The following ADGRG6 variants were observed in gnomAD, a reference collection of about 807,000 sequenced individuals.
The protein encoded by ADGRG6 is G-protein coupled receptor 126.
Under a neutral mutation model 142.4 loss-of-function variants are expected in ADGRG6, and 84 were observed. The ratio of observed to expected loss-of-function variants is 0.59; its 90% CI spans 0.49 to 0.71. The LOEUF (loss-of-function observed/expected upper bound fraction) is 0.71, where lower values mean the gene tolerates loss of function less well. Ranked by LOEUF, ADGRG6 falls within the 30% of genes least tolerant of loss-of-function variation. ADGRG6 has a pLI of 0.00. For missense variants in ADGRG6, 1,367 were observed against 1,466.6 expected (o/e 0.93, Z 1.11); for synonymous variants, 521 against 520.5 (o/e 1.00, Z -0.01).
At chr6:142,380,253 G>T (rs1583063427) in intron 4 of ADGRG6, among the ~76,000 whole-genome samples, 1 of 152,078 alleles carries the variant, frequency 6.6e-6, no homozygotes, top group Admixed American at 6.5e-5. Flanking sequence ...TGCTGGAGGG[G>T]TGTAATGAGG....
chr6:142,432,689 A>G (rs1777269530), intron 22 of ADGRG6, among the ~76,000 whole-genome samples: 1 of 152,190 alleles, frequency 6.6e-6, no homozygotes, highest in Non-Finnish European at 1.5e-5. Context: ...AATCTAAAAA[A>G]TTGTTTTATT....
chr6:142,330,655 A>T (rs1178722945), intron 2 of ADGRG6, among the ~76,000 whole-genome samples: 1 of 152,160 alleles, frequency 6.6e-6, no homozygotes, highest in Non-Finnish European at 1.5e-5. Context: ...TGAGAAGAAG[A>T]TGGATTTGAT....
intron 2 of ADGRG6, among the ~76,000 whole-genome samples, chr6:142,343,105 C>T (rs1459330588): frequency 6.6e-6 from 1 of 151,678 alleles, no homozygotes; most frequent in Non-Finnish European, 1.5e-5. Flanking sequence ...GTATTATCTG[C>T]ATTCTCTGCA....
chr6:142,335,088 A>T (rs1207111275), intron 2 of ADGRG6, among the ~76,000 whole-genome samples: 1 of 152,202 alleles, frequency 6.6e-6, no homozygotes, highest in African/African-American at 2.4e-5. Context: ...TAAGAAAGCA[A>T]AAGACGTGTT....
At position 142,443,738 on chromosome 6, in the gene ADGRG6, C is replaced by T. The variant is rs1317574053; in HGVS notation, c.*223C>T. 1 of 405,224 alleles carries T rather than the reference C, an allele frequency of 2.5e-6. No homozygotes were observed. The highest frequency in any genetic ancestry group is 4.7e-5 in the South Asian group (1 of 21,202). The allele number at this position is 405,224 out of a possible 1,614,324, so 25.1% of individuals were successfully genotyped here. ...AACTTCAGTACTGAGAGTAACATGA[C>T]TCAGTAGCCACAGAAGCTATGATTT... is the stretch of plus-strand genomic sequence containing the variant. On this transcript the variant is annotated 3_prime_UTR_variant, in exon 25 of 25. Coordinates refer to ENST00000367609, the MANE Select transcript of ADGRG6 (RefSeq NM_198569.3).
chr6:142,347,642 G>C (rs1027461144), intron 2 of ADGRG6, among the ~76,000 whole-genome samples: 3 of 152,018 alleles, frequency 2.0e-5, no homozygotes, highest in Non-Finnish European at 4.4e-5. Context: ...TTACTATTGA[G>C]CTCTTCTTAG....
At chr6:142,371,205 C>T (rs1781235770) in intron 4 of ADGRG6, among the ~76,000 whole-genome samples, 1 of 152,016 alleles carries the variant, frequency 6.6e-6, no homozygotes, top group Non-Finnish European at 1.5e-5. Flanking sequence ...CTGTGTTGCC[C>T]AGGCTGGAGT....
chr6:142,310,600 G>A (rs916631399), intron 2 of ADGRG6, among the ~76,000 whole-genome samples: 12 of 151,592 alleles, frequency 7.9e-5, no homozygotes, highest in African/African-American at 2.4e-4. Flanking sequence ...GCTTATTCAC[G>A]CATCAAGAAA....
At chr6:142,414,336 A>G (rs1776245838) in intron 18 of ADGRG6, among the ~76,000 whole-genome samples, 1 of 152,194 alleles carries the variant, frequency 6.6e-6, no homozygotes, top group South Asian at 2.1e-4. Flanking sequence ...TTTAAATTGT[A>G]TCCTTTCAGT....
At chr6:142,442,548 C>T (rs1777807835) in intron 24 of ADGRG6, among the ~76,000 whole-genome samples, 2 of 151,978 alleles carry the variant, frequency 1.3e-5, no homozygotes. Context: ...TTATTACTAT[C>T]AGTTGCTATA....
intron 2 of ADGRG6, among the ~76,000 whole-genome samples, chr6:142,337,728 T>C (rs1290473184): frequency 6.6e-6 from 1 of 152,150 alleles, no homozygotes; most frequent in Non-Finnish European, 1.5e-5. Flanking sequence ...AGTCAAGTTA[T>C]GTCAGTAAGC....
chr6:142,378,283 T>C (rs1345651083), intron 4 of ADGRG6, among the ~76,000 whole-genome samples: 1 of 152,212 alleles, frequency 6.6e-6, no homozygotes, highest in Non-Finnish European at 1.5e-5. Flanking sequence ...TCCCTTTGTC[T>C]TCCAGAGATA....
At chr6:142,436,271 C>G (rs1199852498) in intron 22 of ADGRG6, among the ~76,000 whole-genome samples, 1 of 152,038 alleles carries the variant, frequency 6.6e-6, no homozygotes, top group East Asian at 1.9e-4. Flanking sequence ...TAGAGTAAAG[C>G]AGAAGAATCT....
intron 11 of ADGRG6, chr6:142,400,882 A>C: frequency 3.8e-6 from 1 of 262,406 alleles, no homozygotes; most frequent in Non-Finnish European, 7.2e-6. Context: ...TTGTATGTGG[A>C]TGAACCTAGC....
chr6:142,401,899 T>G (rs1775545634), intron 11 of ADGRG6, 95 bp from the exon 12 acceptor site: 1 of 598,992 alleles, frequency 1.7e-6, no homozygotes, highest in African/African-American at 1.9e-5. Flanking sequence ...TTGATCATAT[T>G]GTAATAAATG....
chr6:142,441,042 A>C lies in ADGRG6; in HGVS notation c.3575-2295A>C, dbSNP rs755906364. The C allele has an allele frequency of 4.2e-4, 253 of 607,160 alleles. 1 individual carries two copies. Among genetic ancestry groups the C allele is most frequent in the Non-Finnish European group, 6.0e-4 (213 of 356,140 alleles). 37.6% of individuals were successfully genotyped at this position (607,160 alleles called of 1,614,324 possible). A position where few individuals can be genotyped will look rare whatever the true frequency, so the allele number is the denominator to read the frequency against. On this transcript the variant is annotated intron_variant, in intron 24 of 24. Coordinates refer to ENST00000367609, the MANE Select transcript of ADGRG6 (RefSeq NM_198569.3). ...TGGATTAAGCTAAGATTCTTGCTGCATCGGCAAAATGGCTTGTTCTTTTCA... is the reference window on the plus strand; with the variant it reads ...TGGATTAAGCTAAGATTCTTGCTGCCTCGGCAAAATGGCTTGTTCTTTTCA...
chr6:142,391,698 T>C (rs750524185), intron 7 of ADGRG6, among the ~76,000 whole-genome samples: 4 of 151,860 alleles, frequency 2.6e-5, no homozygotes, highest in Non-Finnish European at 5.9e-5. Flanking sequence ...ATTCAAATAC[T>C]AGGAGATGTT....
chr6:142,323,700 A>G (rs1037192362), intron 2 of ADGRG6, among the ~76,000 whole-genome samples: 3 of 152,168 alleles, frequency 2.0e-5, no homozygotes, highest in Non-Finnish European at 2.9e-5. Context: ...CTTCTAGGCT[A>G]TAAACCTGTT....
At chr6:142,406,103 C>T (rs1213510557) in intron 15 of ADGRG6, among the ~76,000 whole-genome samples, 1 of 151,862 alleles carries the variant, frequency 6.6e-6, no homozygotes, top group Non-Finnish European at 1.5e-5. Flanking sequence ...GAAGAAATGA[C>T]CGTTTATTAT....
Sources: allele counts gnomAD v4.1 joint callset (sites outside exome capture counted in the v4.1 genomes callset), GRCh38; gene constraint gnomAD v4.1.1; transcripts MANE v1.5; gene names NCBI Gene and HGNC (gene_info 2026-07-23, HGNC 2026-07-21).